POU2F2: variants seen among roughly 807,000 people sequenced by gnomAD.
POU2F2 encodes POU domain, class 2, transcription factor 2.
In POU2F2, 14 loss-of-function variants were observed where a neutral mutation model predicts 63.5. That is an observed-to-expected ratio of 0.22 (90% CI 0.15 to 0.34). The LOEUF (loss-of-function observed/expected upper bound fraction) is 0.34. POU2F2 is among the 10% of genes least tolerant of loss of function. The probability of loss-of-function intolerance (pLI) is 1.00; values close to 1 mark genes in which losing one functional copy is unlikely to be tolerated. For missense variants in POU2F2, 607 were observed against 815.2 expected, an observed-to-expected ratio of 0.74 and a Z score of 3.11; for synonymous variants, 306 against 348.6, an observed-to-expected ratio of 0.88 and a Z score of 1.36.
intron 2 of POU2F2, among the ~76,000 whole-genome samples, chr19:42,140,780 C>T (rs1218589015): frequency 6.6e-6 from 1 of 152,190 alleles, no homozygotes; most frequent in Non-Finnish European, 1.5e-5. Flanking sequence ...ATTCTTGGTG[C>T]TTTAACAGTG....
Position 42,092,185 on chromosome 19 carries a change from G to C in POU2F2, c.1350C>G (p.Pro450=). The change falls in exon 13 of 15, where the codon CCC becomes CCG. Residue 450 remains proline (P), a synonymous_variant. Transcript: ENST00000692977. The surrounding 1 kb of genome is among the most constrained non-coding windows in gnomAD (Gnocchi z 5.0). The part of the protein sequence containing the change: ...GGGGGGGAAP[P]LNSIPSVTPP... ...GAGTGACAGAGGGGATGGAATTGAG[G>C]GGGGGCGCAGCCCCGCCCCCGCCCC... is the stretch of plus-strand genomic sequence containing the variant. The C allele has an allele frequency of 1.9e-6, 3 of 1,568,046 alleles. No individual in the cohort carries two copies. The highest frequency in any genetic ancestry group is 2.6e-6 in the Non-Finnish European group (3 of 1,160,396).
At chr19:42,134,124 A>T (rs1178175493), upstream of POU2F2, among the ~76,000 whole-genome samples, 4 of 150,266 alleles carry the variant, frequency 2.7e-5, no homozygotes. Flanking sequence ...TGGACACTGG[A>T]GCCTTGTCTC....
intron 2 of POU2F2, among the ~76,000 whole-genome samples, chr19:42,149,334 G>C (rs2034294498): frequency 6.6e-6 from 1 of 152,168 alleles, no homozygotes; most frequent in African/African-American, 2.4e-5. Flanking sequence ...AGGGGCTTAA[G>C]ACCCTTTTTC....
Position 42,169,668 on chromosome 19 carries a change from T to C in POU2F2, c.-70+6295A>G, listed in dbSNP as rs768710184. 3.3e-5 allele frequency among the ~76,000 whole-genome samples: 5 copies of C among 152,210 alleles called. No homozygotes were observed. Among genetic ancestry groups the C allele is most frequent in the East Asian group, 1.9e-4 (1 of 5,202 alleles). ...ATCATTGCATGTGTCTGCATGCTTA[T>C]GTATTTCAGTATTTGCCTTGTGCAT... is the stretch of plus-strand genomic sequence containing the variant. On this transcript the variant is annotated intron_variant, in intron 1 of 6. Transcript: ENST00000524801. This position sits in a 1 kb window ranked among gnomAD's most constrained non-coding sequence, Gnocchi z 4.3.
intron 5 of POU2F2, among the ~76,000 whole-genome samples, chr19:42,101,096 A>C (rs2077124112): frequency 6.6e-6 from 1 of 152,116 alleles, no homozygotes; most frequent in Non-Finnish European, 1.5e-5. Flanking sequence ...ACAGAGCAAG[A>C]CTCTGTCTCA....
At position 42,095,575 on chromosome 19, in the gene POU2F2, G is replaced by C; in HGVS notation, c.990C>G (p.Val330=). 6.2e-7 allele frequency: 1 copy of C among 1,609,660 alleles called. No individual in the cohort carries two copies. The highest frequency in any genetic ancestry group is 8.5e-7 in the Non-Finnish European group (1 of 1,177,980). ...RKKRTSIETN[V]RFALEKSFLA... is the part of the protein sequence containing the mutation. ...GAAAACTCTTCTCTAAGGCGAAGCG[G>C]ACGTTTGTCTCGATGCTGGTCCTCT... The change falls in exon 10 of 15, where the codon GTC becomes GTG. Residue 330 remains valine, a synonymous_variant. Transcript: ENST00000692977. The surrounding 1 kb of genome is among the most constrained non-coding windows in gnomAD (Gnocchi z 7.1).
intron 1 of POU2F2, 129 bp from the exon 2 acceptor site, chr19:42,122,705 T>A: frequency 1.2e-6 from 1 of 821,614 alleles, no homozygotes; most frequent in Non-Finnish European, 1.9e-6. Context: ...ACCTTGGAAG[T>A]GTCTCTTCCC....
At chr19:42,091,785 A>T in intron 14 of POU2F2, 82 bp downstream of exon 14, 1 of 1,546,262 alleles carries the variant, frequency 6.5e-7, no homozygotes, top group Non-Finnish European at 8.7e-7. Context: ...GCAGGATGGC[A>T]TGGCTGGAGC....
In POU2F2 at chr19:42,095,896, C is replaced by G. The variant is rs1364834094; in HGVS notation, c.763G>C (p.Gly255Arg). The G allele has an allele frequency of 3.9e-5, 63 of 1,613,788 alleles. No individual in the cohort carries two copies. The highest frequency in any genetic ancestry group is 5.0e-5 in the Non-Finnish European group (59 of 1,179,850). ...DVGLAMGKLY[G>R]NDFSQTTISR... ...ATGGTCGTCTGGCTGAAGTCGTTGCCGTAGAGCTTGCCCATGGCCAGGCCC... is the reference window on the plus strand; with the variant it reads ...ATGGTCGTCTGGCTGAAGTCGTTGCGGTAGAGCTTGCCCATGGCCAGGCCC... The change falls in exon 9 of 15, where the codon GGC (glycine) becomes CGC (arginine). Residue 255 changes from glycine to arginine, a missense_variant. Coordinates refer to ENST00000692977, the MANE Select transcript of POU2F2 (RefSeq NM_001394376.1). This position sits in a 1 kb window ranked among gnomAD's most constrained non-coding sequence, Gnocchi z 7.1.
Position 42,092,073 on chromosome 19 carries a change from T to G in POU2F2, c.1462A>C (p.Thr488Pro), listed in dbSNP as rs1483123993. 1.3e-6 allele frequency: 2 copies of G among 1,597,636 alleles called. No homozygotes were observed. Among genetic ancestry groups the G allele is most frequent in the African/African-American group, 2.7e-5 (2 of 74,410 alleles). ...AIGLSGLNPS[T>P]GSTMVGLSSG... ...TTCCCACGTGCACCCACTTACCCCG[T>G]GCTGGGGTTCAGGCCTGACAAGCCG... Residue 488 changes from threonine to proline, a missense_variant, in exon 13 of 15, where the codon ACG (threonine) becomes CCG (proline). This residue lies in a region of POU2F2 where 270 missense variants were observed against 307.5 expected (regional missense o/e 0.88). Coordinates refer to ENST00000692977, the MANE Select transcript of POU2F2 (RefSeq NM_001394376.1). This position sits in a 1 kb window ranked among gnomAD's most constrained non-coding sequence, Gnocchi z 5.0.
In POU2F2 at chr19:42,153,867, C is replaced by T. The variant is rs186202227; in HGVS notation, c.-9+6465G>A. On this transcript the variant is annotated intron_variant, in intron 2 of 6. Coordinates refer to the POU2F2 transcript ENST00000524801. The surrounding 1 kb of genome is among the most constrained non-coding windows in gnomAD (Gnocchi z 5.6). ...GGCTGCCACGGAGACACTGGCTAGC[C>T]GGTTTTATCACTACATCATCTCCAA... 5.9e-4 allele frequency among the ~76,000 whole-genome samples: 90 copies of T among 152,200 alleles called. 2 individuals are homozygous for T. The East Asian group carries it at 6.2e-3, about 10-fold the overall frequency.
At chr19:42,107,401 A>G (rs557261000) in intron 5 of POU2F2, among the ~76,000 whole-genome samples, 21 of 152,292 alleles carry the variant, frequency 1.4e-4, no homozygotes, top group Admixed American at 7.2e-4. Flanking sequence ...GGCATCAAAC[A>G]TATTTTGAGT....
At chr19:42,196,665 T>G (rs1206761942), upstream of POU2F2, 2 of 152,470 alleles carry the variant, frequency 1.3e-5, no homozygotes, top group Non-Finnish European at 2.9e-5. Context: ...CGGGCTCAGA[T>G]CTGACCCACC....
chr19:42,138,684 A>T (rs2034067261), intron 2 of POU2F2, among the ~76,000 whole-genome samples: 2 of 151,968 alleles, frequency 1.3e-5, no homozygotes, highest in Non-Finnish European at 1.5e-5. Flanking sequence ...GATTAGGATG[A>T]GGATACATAT....
upstream of POU2F2, among the ~76,000 whole-genome samples, chr19:42,179,432 G>C (rs1445867965): frequency 6.6e-6 from 1 of 152,036 alleles, no homozygotes; most frequent in Non-Finnish European, 1.5e-5. Context: ...CCCGCCCCCT[G>C]CAGGCGGGGG....
At position 42,087,813 on chromosome 19, in the gene POU2F2, CT is replaced by C; in HGVS notation, c.*3443del. 6.6e-6 allele frequency: 1 copy of C among 152,362 alleles called. No individual in the cohort carries two copies. 9.4% of individuals were successfully genotyped at this position (152,362 alleles called of 1,614,324 possible). ...GCCCATAGCCTAGCCTGGGGTTGCC[CT>C]CCCCATCCCCCACATAAAGCTCCCC... On this transcript the variant is annotated 3_prime_UTR_variant, in exon 15 of 15. Coordinates refer to ENST00000692977, the MANE Select transcript of POU2F2 (RefSeq NM_001394376.1).
chr19:42,111,317 A>C (rs1338119362), intron 5 of POU2F2, among the ~76,000 whole-genome samples: 2 of 151,520 alleles, frequency 1.3e-5, no homozygotes, highest in Non-Finnish European at 2.9e-5. Context: ...GGGTCTCTCT[A>C]TGTTGCCCAG....
chr19:42,117,026 C>G lies in POU2F2; in HGVS notation c.369+224G>C, dbSNP rs749316042. On this transcript the variant is annotated intron_variant, in intron 5 of 14. Coordinates refer to ENST00000692977, the MANE Select transcript of POU2F2 (RefSeq NM_001394376.1). The surrounding 1 kb of genome is among the most constrained non-coding windows in gnomAD (Gnocchi z 4.4). ...GTGAGCTGCGGGGTGTCGGGGACAG[C>G]AGGAATTGGAGCAAGGGGTTGAAGA... is the stretch of plus-strand genomic sequence containing the variant. 1.5e-5 allele frequency: 10 copies of G among 645,546 alleles called. No homozygotes were observed. The highest frequency in any genetic ancestry group is 2.8e-5 in the Non-Finnish European group (10 of 357,920). The allele number at this position is 645,546 out of a possible 1,614,324, so 40.0% of individuals were successfully genotyped here.
chr19:42,175,239 C>T lies in POU2F2; in HGVS notation c.-70+724G>A, dbSNP rs574046929. ...GGGGGTGGCACTAGAACCCAGGGGACAGACCCAAACCCCCACTCAGGGTAA... is the reference window on the plus strand; with the variant it reads ...GGGGGTGGCACTAGAACCCAGGGGATAGACCCAAACCCCCACTCAGGGTAA... On this transcript the variant is annotated intron_variant, in intron 1 of 6. Coordinates refer to the POU2F2 transcript ENST00000524801. Among the ~76,000 whole-genome samples the T allele has an allele frequency of 3.9e-5, 6 of 152,288 alleles. No homozygotes were observed. The East Asian group carries it at 1.2e-3, about 29-fold the overall frequency.
Sources: gnomAD v4.1 joint callset for allele counts (sites outside exome capture counted in the v4.1 genomes callset) on GRCh38, gnomAD v4.1.1 for gene constraint, gnomAD v4.1.1 regional missense constraint, Gnocchi (gnomAD v3.1) non-coding constraint, MANE v1.5 for transcripts, NCBI Gene and HGNC (gene_info 2026-07-23, HGNC 2026-07-21) for gene names.